The following EYS variants were observed in gnomAD, a reference collection of about 807,000 sequenced individuals.
The protein encoded by EYS is EGF-like photoreceptor maintenance factor.
Under a neutral mutation model 282.1 loss-of-function variants are expected in EYS, and 250 were observed. The observed-to-expected ratio is 0.89, with a 90% CI of 0.80 to 0.98. The LOEUF (loss-of-function observed/expected upper bound fraction) is 0.98, where lower values mean the gene tolerates loss of function less well. Ranked by LOEUF, EYS falls within the 50% of genes least tolerant of loss-of-function variation. The pLI is 0.00. For synonymous variants in EYS, 1,355 were observed against 1,282.9 expected (o/e 1.06, Z -1.20); for missense variants, 4,016 against 3,709.0 (o/e 1.08, Z -2.15).
At chr6:65,335,556 T>C (rs1317461353) in intron 10 of EYS, among the ~76,000 whole-genome samples, 1 of 151,660 alleles carries the variant, frequency 6.6e-6, no homozygotes. Flanking sequence ...TGTCCTGTAG[T>C]TCACTTTTTT....
At chr6:64,657,321 G>T (rs1194729676) in intron 22 of EYS, among the ~76,000 whole-genome samples, 1 of 152,182 alleles carries the variant, frequency 6.6e-6, no homozygotes, top group Non-Finnish European at 1.5e-5. Context: ...TTGCCAGTCT[G>T]TGTCTTTTAA....
At chr6:64,845,610 C>G (rs1409840838) in intron 19 of EYS, among the ~76,000 whole-genome samples, 1 of 151,968 alleles carries the variant, frequency 6.6e-6, no homozygotes, top group East Asian at 1.9e-4. Context: ...TCGGGAATTT[C>G]TTGACTCCAC....
intron 41 of EYS, among the ~76,000 whole-genome samples, chr6:63,735,508 C>CACAT (rs1210330236): frequency 1.3e-5 from 2 of 148,340 alleles, no homozygotes; most frequent in African/African-American, 2.6e-5. Flanking sequence ...CACACACACA[C>CACAT]ACACACACCC....
intron 29 of EYS, among the ~76,000 whole-genome samples, chr6:64,333,985 G>A (rs1770742598): frequency 6.6e-6 from 1 of 152,168 alleles, no homozygotes; most frequent in South Asian, 2.1e-4. Context: ...GCAAATCCAA[G>A]TGTTTAGCTA....
In EYS at chr6:65,440,856, T is replaced by TAG. The variant is rs201116275; in HGVS notation, c.863-35490_863-35489insCT. Among the ~76,000 whole-genome samples, 152 of 146,904 alleles carry TAG rather than the reference T, an allele frequency of 1.0e-3. 1 individual carries two copies. The highest frequency in any genetic ancestry group is 3.6e-3 in the African/African-American group (145 of 40,508). On this transcript the variant is annotated intron_variant, in intron 5 of 42. Transcript: ENST00000503581. ...GAAAAAAAATATGTGTATATATATA[T>TAG]ATATAGATTTATATTATATATTTAT...
intron 19 of EYS, among the ~76,000 whole-genome samples, chr6:64,863,353 C>T (rs1029662646): frequency 2.6e-5 from 4 of 152,094 alleles, no homozygotes; most frequent in African/African-American, 9.7e-5. Flanking sequence ...CATTTTTAAA[C>T]ATTTTTGCAA....
At chr6:64,727,539 T>A (rs1319754680) in intron 22 of EYS, among the ~76,000 whole-genome samples, 1 of 152,194 alleles carries the variant, frequency 6.6e-6, no homozygotes, top group East Asian at 1.9e-4. Flanking sequence ...TCTCTTTAAA[T>A]GTGTTACAAG....
At chr6:63,901,506 T>C (rs1229164892) in intron 35 of EYS, among the ~76,000 whole-genome samples, 1 of 152,198 alleles carries the variant, frequency 6.6e-6, no homozygotes, top group Non-Finnish European at 1.5e-5. Context: ...AATATAACTT[T>C]ACAAATCCAA....
intron 35 of EYS, among the ~76,000 whole-genome samples, chr6:63,955,025 C>T (rs1467507083): frequency 6.6e-6 from 1 of 152,142 alleles, no homozygotes; most frequent in Non-Finnish European, 1.5e-5. Flanking sequence ...GAAGGACTGG[C>T]AAATTGACTT....
chr6:64,270,230 C>T (rs572270581), intron 30 of EYS, among the ~76,000 whole-genome samples: 11 of 152,184 alleles, frequency 7.2e-5, no homozygotes, highest in Admixed American at 6.5e-4. Context: ...GTATCTACTT[C>T]TCATTTTAGT....
chr6:63,785,726 C>T lies in EYS; in HGVS notation c.7723+2379G>A, dbSNP rs115622728. ...TTATTTATCAAGAGTTTATAGGAATCGGCTGGGCACGGTGGCTCAAGCCTG... is the reference window on the plus strand; with the variant it reads ...TTATTTATCAAGAGTTTATAGGAATTGGCTGGGCACGGTGGCTCAAGCCTG... On this transcript the variant is annotated intron_variant, in intron 39 of 42. Coordinates refer to ENST00000503581, the MANE Select transcript of EYS (RefSeq NM_001142800.2). 8.5e-3 allele frequency among the ~76,000 whole-genome samples: 1,293 copies of T among 152,176 alleles called. 4 individuals carry two copies. The highest frequency in any genetic ancestry group is 0.037 in the Middle Eastern group (11 of 294).
At chr6:65,249,870 A>G (rs1293309808) in intron 12 of EYS, among the ~76,000 whole-genome samples, 3 of 152,062 alleles carry the variant, frequency 2.0e-5, no homozygotes, top group African/African-American at 7.2e-5. Context: ...TAAACAAGGT[A>G]CTGCAGCAAA....
chr6:64,471,677 C>T (rs1465720490), intron 26 of EYS, among the ~76,000 whole-genome samples: 3 of 152,026 alleles, frequency 2.0e-5, no homozygotes, highest in Non-Finnish European at 2.9e-5. Context: ...ATCTACAAAG[C>T]CAATGCAATC....
intron 22 of EYS, among the ~76,000 whole-genome samples, chr6:64,670,126 C>T (rs146206557): frequency 0.024 from 3,637 of 152,176 alleles, 66 homozygotes; most frequent in Non-Finnish European, 0.034. Flanking sequence ...AAAGTAGGAG[C>T]CTAACTTTGG....
chr6:64,721,054 A>G (rs1462913514), intron 22 of EYS, among the ~76,000 whole-genome samples: 1 of 152,126 alleles, frequency 6.6e-6, no homozygotes, highest in African/African-American at 2.4e-5. Context: ...CTTTTATTCT[A>G]CAACTAATTA....
At chr6:64,647,341 C>T (rs888769177) in intron 22 of EYS, among the ~76,000 whole-genome samples, 16 of 151,868 alleles carry the variant, frequency 1.1e-4, no homozygotes, top group Non-Finnish European at 1.8e-4. Context: ...CAGTTTTTAA[C>T]ACACACACAC....
At chr6:64,507,323 C>T (rs560059572) in intron 26 of EYS, among the ~76,000 whole-genome samples, 22 of 152,178 alleles carry the variant, frequency 1.4e-4, no homozygotes, top group African/African-American at 5.1e-4. Context: ...TTTAAGCAGA[C>T]TACCTGTTTA....
chr6:64,029,852 C>T (rs1011423499), intron 33 of EYS, among the ~76,000 whole-genome samples: 1 of 152,170 alleles, frequency 6.6e-6, no homozygotes, highest in African/African-American at 2.4e-5. Flanking sequence ...ATACAGATAG[C>T]AAGTATGCTT....
Position 64,888,947 on chromosome 6 carries a change from T to A in EYS, c.2847-2105A>T, listed in dbSNP as rs1562244207. Among the ~76,000 whole-genome samples, 4 of 152,046 alleles carry A rather than the reference T, an allele frequency of 2.6e-5. No homozygotes were observed. The South Asian group carries it at 8.3e-4, about 31-fold the overall frequency. On this transcript the variant is annotated intron_variant, in intron 18 of 42. Transcript: ENST00000503581. ...ACTGACAAATTTAAAAATGTTATAT[T>A]ACTATAAAAACAATGACTTTCATTT...
Sources: gnomAD v4.1 joint callset for allele counts (sites outside exome capture counted in the v4.1 genomes callset) on GRCh38, gnomAD v4.1.1 for gene constraint, MANE v1.5 for transcripts, NCBI Gene and HGNC (gene_info 2026-07-23, HGNC 2026-07-21) for gene names.